ZNF341: variants seen among roughly 807,000 people sequenced by gnomAD.
ZNF341 encodes the protein zinc finger protein 341.
ZNF341 carries 52 observed loss-of-function variants against 87.7 expected under a neutral mutation model. The observed-to-expected ratio is 0.59, with a 90% CI of 0.47 to 0.75. The LOEUF (loss-of-function observed/expected upper bound fraction) is 0.75, where lower values mean the gene tolerates loss of function less well. Among genes scored for constraint, ZNF341 ranks in the 30% least tolerant of loss-of-function variants. The pLI, the probability that ZNF341 is intolerant of heterozygous loss-of-function variation, is 0.00. For missense variants in ZNF341, 977 were observed against 1,145.9 expected (o/e 0.85, Z 2.13); for synonymous variants, 459 against 472.7 (o/e 0.97, Z 0.38).
chr20:33,744,946 C>T (rs1401814172), intron 2 of ZNF341, among the ~76,000 whole-genome samples, 157 bp from the exon 3 acceptor site: 1 of 152,176 alleles, frequency 6.6e-6, no homozygotes, highest in African/African-American at 2.4e-5. Flanking sequence ...CTGACACCTG[C>T]ATGTCAAGTC....
chr20:33,780,566 C>T (rs997727315), intron 10 of ZNF341, among the ~76,000 whole-genome samples: 1 of 151,992 alleles, frequency 6.6e-6, no homozygotes, highest in Non-Finnish European at 1.5e-5. Context: ...CGCTACCACG[C>T]CTGGCTAATT....
chr20:33,736,251 CA>C (rs1847160751), intron 1 of ZNF341, among the ~76,000 whole-genome samples: 1 of 151,636 alleles, frequency 6.6e-6, no homozygotes, highest in African/African-American at 2.4e-5. Flanking sequence ...TTAAGCCCCC[CA>C]CCATTCTGAA....
At chr20:33,762,092 T>C (rs914454319) in intron 8 of ZNF341, 37 bp downstream of exon 8, 6 of 1,474,986 alleles carry the variant, frequency 4.1e-6, no homozygotes, top group Non-Finnish European at 4.6e-6. Context: ...TTCCCACACC[T>C]CTCTTCTGCC....
At chr20:33,764,543 G>GTGTATATATATA (rs1332743148) in intron 8 of ZNF341, among the ~76,000 whole-genome samples, 4 of 69,336 alleles carry the variant, frequency 5.8e-5, no homozygotes, top group African/African-American at 2.0e-4. Flanking sequence ...GTGTGTATGT[G>GTGTATATATATA]TATATATATA....
At chr20:33,754,899 C>T (rs1049575305) in intron 5 of ZNF341, among the ~76,000 whole-genome samples, 1 of 152,184 alleles carries the variant, frequency 6.6e-6, no homozygotes, top group African/African-American at 2.4e-5. Context: ...ACATTAATTA[C>T]TCAGTAATGC....
At chr20:33,748,061 T>C (rs1223879804) in intron 3 of ZNF341, among the ~76,000 whole-genome samples, 1 of 151,932 alleles carries the variant, frequency 6.6e-6, no homozygotes, top group Non-Finnish European at 1.5e-5. Context: ...TTCTCTAGCA[T>C]AGATACAAGG....
chr20:33,733,901 A>C (rs766391180), intron 1 of ZNF341, among the ~76,000 whole-genome samples: 1 of 152,240 alleles, frequency 6.6e-6, no homozygotes, highest in African/African-American at 2.4e-5. Flanking sequence ...GGCCATTCCT[A>C]CTGTGAATAA....
intron 4 of ZNF341, among the ~76,000 whole-genome samples, chr20:33,749,620 C>T (rs182665572): frequency 8.6e-5 from 13 of 151,678 alleles, no homozygotes; most frequent in Admixed American, 4.6e-4. Flanking sequence ...TTAATGGAGA[C>T]GGGGTTTCAC....
intron 3 of ZNF341, among the ~76,000 whole-genome samples, chr20:33,746,279 G>A (rs1256756424): frequency 7.4e-6 from 1 of 135,158 alleles, no homozygotes; most frequent in East Asian, 2.1e-4. Flanking sequence ...TGTTGCCCAG[G>A]ATGGAGTGCA....
rs752914504 is a variant in ZNF341, at chr20:33,783,915, C to CCCCTCT, written c.1852+54_1852+59dup. On this transcript the variant is annotated intron_variant, in intron 12 of 14. Coordinates refer to ENST00000375200, the MANE Select transcript of ZNF341 (RefSeq NM_001282933.2). ...CAGCCCAGCCCCTCCCCTCCCCCTCCCCCTCTCCTCATGCCTTTCTCTCTC... is the reference window on the plus strand; with the variant it reads ...CAGCCCAGCCCCTCCCCTCCCCCTCCCCCTCTCCCTCTCCTCATGCCTTTCTCTCTC... 1.3e-3 allele frequency: 1,957 copies of CCCCTCT among 1,546,240 alleles called. 1 individual carries two copies. Among genetic ancestry groups the CCCCTCT allele is most frequent in the Non-Finnish European group, 1.5e-3 (1,678 of 1,137,774 alleles).
At chr20:33,757,484 A>T (rs1218827361) in intron 6 of ZNF341, 141 bp downstream of exon 6, 2 of 773,374 alleles carry the variant, frequency 2.6e-6, no homozygotes, top group Non-Finnish European at 3.6e-6. Flanking sequence ...CTTCAAAATG[A>T]TAGAATTTTG....
At position 33,757,265 on chromosome 20, in the gene ZNF341, G is replaced by A. The variant is rs149362037; in HGVS notation, c.859G>A (p.Gly287Arg). Reference protein sequence around the residue: ...NPAAPMTSATGGTVATFDSPA... With the variant: ...NPAAPMTSATRGTVATFDSPA... ...CGCCGCCCCCATGACCAGCGCCACC[G>A]GGGGCACGGTGGCCACCTTTGACTC... Residue 287 changes from glycine (G) to arginine (R), a missense_variant, in exon 6 of 15, where the codon GGG (glycine) becomes AGG (arginine). By Grantham distance (125) the Gly-to-Arg change is moderately radical (BLOSUM62 -2). Around this residue, in one of 3 missense-constraint regions of ZNF341, gnomAD observed 515 missense variants for 598.2 expected, o/e 0.86. Coordinates refer to ENST00000375200, the MANE Select transcript of ZNF341 (RefSeq NM_001282933.2). 4.7e-5 allele frequency: 75 copies of A among 1,604,216 alleles called. No homozygotes were observed. The highest frequency in any genetic ancestry group is 6.0e-5 in the Non-Finnish European group (70 of 1,176,044).
intron 4 of ZNF341, chr20:33,752,652 C>CTT (rs956277736): frequency 5.3e-3 from 926 of 175,034 alleles, no homozygotes; most frequent in South Asian, 0.013. Context: ...ATTTTCTTTT[C>CTT]TTTTTTTTTT....
In ZNF341 at chr20:33,732,475, C is replaced by T. The variant is rs2018592403; in HGVS notation, c.31+423C>T. Reference sequence around the variant, plus strand: ...GGCAGGAGGGCCTCGGCGGCCTGACCACGAAGAACTTCTGCGGAGCGGACT... The same window carrying T: ...GGCAGGAGGGCCTCGGCGGCCTGACTACGAAGAACTTCTGCGGAGCGGACT... On this transcript the variant is annotated intron_variant, in intron 1 of 14. Transcript: ENST00000375200. The surrounding 1 kb of genome is among the most constrained non-coding windows in gnomAD (Gnocchi z 4.5). Among the ~76,000 whole-genome samples, 3 of 152,306 alleles carry T rather than the reference C, an allele frequency of 2.0e-5. No individual in the cohort carries two copies. The South Asian group carries it at 6.2e-4, about 32-fold the overall frequency.
intron 1 of ZNF341, among the ~76,000 whole-genome samples, chr20:33,733,372 G>A (rs1192089788): frequency 6.6e-6 from 1 of 151,698 alleles, no homozygotes; most frequent in Non-Finnish European, 1.5e-5. Flanking sequence ...GAGACTACAG[G>A]CATCCGCCAC....
At chr20:33,772,807 G>A (rs766802676) in intron 10 of ZNF341, among the ~76,000 whole-genome samples, 7 of 152,264 alleles carry the variant, frequency 4.6e-5, no homozygotes, top group South Asian at 4.1e-4. Flanking sequence ...GAAGGGCCAC[G>A]TAGAAATCAC....
At chr20:33,776,217 G>C (rs2019623817) in intron 10 of ZNF341, among the ~76,000 whole-genome samples, 3 of 151,200 alleles carry the variant, frequency 2.0e-5, no homozygotes, top group Admixed American at 2.0e-4. Context: ...CTCCTGGGTA[G>C]CTGGGACTAC....
At chr20:33,782,732 GCAGCTGGGT>G (rs2019769605) in intron 11 of ZNF341, among the ~76,000 whole-genome samples, 1 of 152,208 alleles carries the variant, frequency 6.6e-6, no homozygotes, top group South Asian at 2.1e-4. Flanking sequence ...AAGCAGTGGG[GCAGCTGGGT>G]CTGTGCCCGT....
At position 33,770,064 on chromosome 20, in the gene ZNF341, G is replaced by A. The variant is rs865940601; in HGVS notation, c.1414-20G>A. Reference sequence around the variant, plus strand: ...GAAGCTCTCCTGCCTCCTGTCACCTGCCCAGCGTCTTCCCTCAAGGTGTAC... The same window carrying A: ...GAAGCTCTCCTGCCTCCTGTCACCTACCCAGCGTCTTCCCTCAAGGTGTAC... On this transcript the variant is annotated intron_variant, in intron 9 of 14. Transcript: ENST00000375200. 14 of 1,599,842 alleles carry A rather than the reference G, an allele frequency of 8.8e-6. 1 individual carries two copies. In the Middle Eastern group the frequency reaches 2.0e-3, roughly 233 times the overall value.
Sources: allele counts gnomAD v4.1 joint callset (sites outside exome capture counted in the v4.1 genomes callset), GRCh38; gene constraint gnomAD v4.1.1; regional missense constraint gnomAD v4.1.1; non-coding constraint Gnocchi (gnomAD v3.1); transcripts MANE v1.5; gene names NCBI Gene and HGNC (gene_info 2026-07-23, HGNC 2026-07-21).